Variants in TMEM131 observed in about 807,000 individuals in gnomAD.
TMEM131 encodes 2610524E03Rik.
TMEM131 carries 66 observed loss-of-function variants against 211.6 expected under a neutral mutation model. The observed-to-expected ratio is 0.31, with a 90% CI of 0.26 to 0.38. The LOEUF (loss-of-function observed/expected upper bound fraction) is 0.38, where lower values mean the gene tolerates loss of function less well. Ranked by LOEUF, TMEM131 falls within the 10% of genes least tolerant of loss-of-function variation. TMEM131 has a pLI of 1.00. For missense variants in TMEM131, 2,036 were observed against 2,299.3 expected, an observed-to-expected ratio of 0.89 and a Z score of 2.34; for synonymous variants, 844 against 841.3, an observed-to-expected ratio of 1.00 and a Z score of -0.06.
intron 1 of TMEM131, among the ~76,000 whole-genome samples, chr2:97,953,199 T>C (rs1678404520): frequency 6.6e-6 from 1 of 152,178 alleles, no homozygotes; most frequent in Admixed American, 6.5e-5. Context: ...CTGTGCTCAA[T>C]GTATGGAAAT....
intron 1 of TMEM131, among the ~76,000 whole-genome samples, chr2:97,959,803 C>T (rs886603338): frequency 1.3e-5 from 2 of 152,096 alleles, no homozygotes; most frequent in African/African-American, 4.8e-5. Flanking sequence ...TTCAGTCCAG[C>T]ATCCAATCAA....
intron 1 of TMEM131, among the ~76,000 whole-genome samples, chr2:97,981,164 A>C (rs1679781357): frequency 6.6e-6 from 1 of 151,670 alleles, no homozygotes; most frequent in Non-Finnish European, 1.5e-5. Flanking sequence ...ACTAAAAAGC[A>C]TATTCTAGAG....
chr2:97,868,183 A>T (rs1674347176), intron 4 of TMEM131, among the ~76,000 whole-genome samples: 1 of 152,172 alleles, frequency 6.6e-6, no homozygotes, highest in South Asian at 2.1e-4. Context: ...ATTCCCAGTA[A>T]TAGTGCTTGT....
intron 2 of TMEM131, among the ~76,000 whole-genome samples, chr2:97,921,906 A>AAAGT (rs1676756433): frequency 6.6e-6 from 1 of 152,226 alleles, no homozygotes; most frequent in Non-Finnish European, 1.5e-5. Context: ...AACACTTTAC[A>AAAGT]AAGTTGTTGC....
At chr2:97,815,365 G>T in intron 12 of TMEM131, 58 bp from the exon 13 acceptor site, 3 of 1,061,944 alleles carry the variant, frequency 2.8e-6, no homozygotes, top group South Asian at 1.9e-5. Flanking sequence ...GAGAATTAGT[G>T]AATTTATGTA....
chr2:97,791,519 C>T (rs959247659), intron 31 of TMEM131, among the ~76,000 whole-genome samples: 2 of 152,200 alleles, frequency 1.3e-5, no homozygotes, highest in African/African-American at 2.4e-5. Flanking sequence ...TTGGGCCCTC[C>T]GTCCAACAGT....
intron 1 of TMEM131, among the ~76,000 whole-genome samples, chr2:97,937,967 A>C (rs1004551261): frequency 2.6e-5 from 4 of 152,196 alleles, no homozygotes; most frequent in African/African-American, 9.6e-5. Flanking sequence ...CTTTACAGAC[A>C]AACAAATACT....
intron 1 of TMEM131, among the ~76,000 whole-genome samples, chr2:97,944,231 G>A (rs1401162784): frequency 1.3e-5 from 2 of 152,104 alleles, no homozygotes; most frequent in Non-Finnish European, 2.9e-5. Flanking sequence ...GAGGAGAAAA[G>A]AACAATCTTC....
At chr2:97,911,391 T>C (rs1389753877) in intron 2 of TMEM131, among the ~76,000 whole-genome samples, 1 of 152,180 alleles carries the variant, frequency 6.6e-6, no homozygotes, top group Non-Finnish European at 1.5e-5. Context: ...GGTACATAAT[T>C]ATGCCAACTT....
In TMEM131 at chr2:97,935,477, G is replaced by A. The variant is rs192559784; in HGVS notation, c.188-7990C>T. On this transcript the variant is annotated intron_variant, in intron 1 of 40. Transcript: ENST00000186436. The stretch of plus-strand genomic sequence containing the variant: ...TAAATTCTGGTAATTAGTTCTACCT[G>A]CTCAATAGTTTATCTTCAAAATGTT... Among the ~76,000 whole-genome samples the A allele has an allele frequency of 5.7e-4, 87 of 152,260 alleles. No individual in the cohort carries two copies. In the Middle Eastern group the frequency reaches 0.017, roughly 30 times the overall value.
At chr2:97,882,302 G>T (rs1674968541) in intron 4 of TMEM131, among the ~76,000 whole-genome samples, 1 of 152,204 alleles carries the variant, frequency 6.6e-6, no homozygotes. Context: ...AGAGAAAAGT[G>T]AGACAGCAGC....
intron 15 of TMEM131, 95 bp from the exon 16 acceptor site, chr2:97,812,844 TC>T: frequency 1.5e-6 from 1 of 673,756 alleles, no homozygotes; most frequent in Non-Finnish European, 2.4e-6. Context: ...GTATTAAAGT[TC>T]CCCCCAAAAT....
chr2:97,830,146 A>AAAAAC (rs1270458885), intron 11 of TMEM131, among the ~76,000 whole-genome samples: 4 of 150,482 alleles, frequency 2.7e-5, no homozygotes, highest in Non-Finnish European at 5.9e-5. Flanking sequence ...AAAAAAAAAA[A>AAAAAC]AAAAAAAAAA....
chr2:97,858,865 G>T (rs939196881), intron 5 of TMEM131, among the ~76,000 whole-genome samples: 2 of 152,156 alleles, frequency 1.3e-5, no homozygotes, highest in African/African-American at 4.8e-5. Context: ...TCTGGACAAG[G>T]ACTCAGCCCG....
rs1680479943 is a variant in TMEM131 at position 97,995,692 on chromosome 2, G to A, written c.-30C>T. ...GCCGGCCGGGGGCCGCCGCGCTCGA[G>A]GTCCGGCGCGGCCCTTCTCGGCGAG... On this transcript the variant is annotated 5_prime_UTR_variant, in exon 1 of 41. Coordinates refer to ENST00000186436, the MANE Select transcript of TMEM131 (RefSeq NM_015348.2). The A allele has an allele frequency of 3.4e-6, 4 of 1,187,566 alleles. No individual in the cohort carries two copies. The highest frequency in any genetic ancestry group is 4.2e-5 in the South Asian group (1 of 23,930). 73.6% of individuals were successfully genotyped at this position (1,187,566 alleles called of 1,614,324 possible).
At chr2:97,937,458 A>G (rs1321578199) in intron 1 of TMEM131, among the ~76,000 whole-genome samples, 2 of 152,152 alleles carry the variant, frequency 1.3e-5, no homozygotes, top group African/African-American at 4.8e-5. Context: ...TCAGAAGAGG[A>G]GAGAAAAAAA....
At chr2:97,919,561 C>T (rs1676651858) in intron 2 of TMEM131, among the ~76,000 whole-genome samples, 1 of 152,058 alleles carries the variant, frequency 6.6e-6, no homozygotes, top group Non-Finnish European at 1.5e-5. Flanking sequence ...TAGAATGTAT[C>T]TCTTTGGCTT....
At chr2:97,853,921 T>A (rs1440332850) in intron 5 of TMEM131, among the ~76,000 whole-genome samples, 1 of 152,228 alleles carries the variant, frequency 6.6e-6, no homozygotes, top group Non-Finnish European at 1.5e-5. Flanking sequence ...GCTGTGAATA[T>A]GCTGACAATG....
At chr2:97,975,318 A>G (rs1679482169) in intron 1 of TMEM131, among the ~76,000 whole-genome samples, 1 of 152,186 alleles carries the variant, frequency 6.6e-6, no homozygotes, top group Non-Finnish European at 1.5e-5. Context: ...ACAAACATAT[A>G]CAGAGAATAA....
Sources: allele counts gnomAD v4.1 joint callset (sites outside exome capture counted in the v4.1 genomes callset), GRCh38; gene constraint gnomAD v4.1.1; transcripts MANE v1.5; gene names NCBI Gene and HGNC (gene_info 2026-07-23, HGNC 2026-07-21).